Variants in GALC observed in about 807,000 individuals in gnomAD.
GALC encodes the protein galactocerebrosidase.
In GALC, 77 loss-of-function variants were observed where a neutral mutation model predicts 91.8. That is an observed-to-expected ratio of 0.84 (90% confidence interval 0.70 to 1.01). The LOEUF (loss-of-function observed/expected upper bound fraction) is 1.01, where lower values mean the gene tolerates loss of function less well. Among genes scored for constraint, GALC ranks in the 50% least tolerant of loss-of-function variants. GALC has a pLI of 0.00. For missense variants in GALC, 882 were observed against 855.9 expected (o/e 1.03, Z -0.38); for synonymous variants, 357 against 306.7 (o/e 1.16, Z -1.71).
At chr14:87,954,973 A>G in intron 10 of GALC, 1 of 1,445,288 alleles carries the variant, frequency 6.9e-7, no homozygotes. Context: ...TCTTCTCAAC[A>G]TTTTTGCAGA....
chr14:87,934,064 AAT>A lies in GALC; in HGVS notation c.*666_*667del. The A allele has an allele frequency of 6.5e-7, 1 of 1,529,960 alleles. No individual in the cohort carries two copies. The highest frequency in any genetic ancestry group is 8.8e-7 in the Non-Finnish European group (1 of 1,142,348). 94.8% of individuals were successfully genotyped at this position (1,529,960 alleles called of 1,614,324 possible). ...CCAAAACTTGGAATCAAAAAAATTA[AAT>A]AATGCAAATAACCCAATTAATCTGC... On this transcript the variant is annotated 3_prime_UTR_variant, in exon 17 of 17. Coordinates refer to ENST00000261304, the MANE Select transcript of GALC (RefSeq NM_000153.4).
chr14:87,980,394 A>G, intron 6 of GALC: 3 of 510,750 alleles, frequency 5.9e-6, no homozygotes, highest in Non-Finnish European at 7.5e-6. Flanking sequence ...AAAAAAAAAA[A>G]GCCATTATTC....
rs1885424150 is a variant in GALC at position 87,954,205 on chromosome 14, C to T, written c.1162-3457G>A. 23 of 1,558,106 alleles carry T rather than the reference C, an allele frequency of 1.5e-5. No homozygotes were observed. In the South Asian group the frequency reaches 1.6e-4, roughly 11 times the overall value. The stretch of plus-strand genomic sequence containing the variant: ...CATTCCTACCTCAGAGATCTTCCTC[C>T]GAGGCAGCCTCAGAGGGTGAACAGT... On this transcript the variant is annotated intron_variant, in intron 10 of 16. Coordinates refer to ENST00000261304, the MANE Select transcript of GALC (RefSeq NM_000153.4).
At chr14:87,992,746 T>C (rs563890761) in intron 1 of GALC, 1 of 1,421,232 alleles carries the variant, frequency 7.0e-7, no homozygotes, top group African/African-American at 1.4e-5. Context: ...CGGATCCTCA[T>C]TTGTTCAAAC....
intron 16 of GALC, among the ~76,000 whole-genome samples, chr14:87,937,790 C>T (rs754833273): frequency 6.6e-6 from 1 of 151,518 alleles, no homozygotes; most frequent in Non-Finnish European, 1.5e-5. Flanking sequence ...TTCAAAAAAA[C>T]TCATAAAATT....
intron 15 of GALC, among the ~76,000 whole-genome samples, chr14:87,940,890 A>G (rs1319966776): frequency 6.6e-6 from 1 of 151,914 alleles, no homozygotes; most frequent in African/African-American, 2.4e-5. Context: ...TCTGGATAAA[A>G]TATTATCCTA....
chr14:87,957,480 T>C (rs1388638852), intron 10 of GALC, among the ~76,000 whole-genome samples: 2 of 152,158 alleles, frequency 1.3e-5, no homozygotes, highest in Non-Finnish European at 2.9e-5. Flanking sequence ...TATATGTTGC[T>C]ATCCAATTTT....
At chr14:87,982,124 C>A in intron 6 of GALC, 81 bp downstream of exon 6, 1 of 734,530 alleles carries the variant, frequency 1.4e-6, no homozygotes, top group South Asian at 1.9e-5. Flanking sequence ...ACACAAATTT[C>A]CTACTATTTT....
At chr14:87,971,963 C>G (rs1469029638) in intron 7 of GALC, among the ~76,000 whole-genome samples, 1 of 152,066 alleles carries the variant, frequency 6.6e-6, no homozygotes, top group Non-Finnish European at 1.5e-5. Context: ...TGGGGCCCAG[C>G]AGAAACAGAC....
chr14:87,986,584 T>A lies in GALC; in HGVS notation c.347A>T (p.His116Leu). ...ATTCTCATCTAGTGCATAATGCATG[T>A]GGGAGGGCTCAGTGCCGTCTGAATA... ...GQTTDGTEPS[H>L]MHYALDENYF... Residue 116 changes from histidine (H) to leucine (L), a missense_variant, in exon 4 of 17, where the codon CAC (histidine) becomes CTC (leucine). His to Leu is a moderately conservative substitution (Grantham distance 99). Coordinates refer to ENST00000261304, the MANE Select transcript of GALC (RefSeq NM_000153.4). The A allele has an allele frequency of 6.2e-7, 1 of 1,612,974 alleles. No homozygotes were observed. The highest frequency in any genetic ancestry group is 8.5e-7 in the Non-Finnish European group (1 of 1,179,032).
chr14:87,952,051 A>G (rs1042379172), intron 10 of GALC, among the ~76,000 whole-genome samples: 3 of 151,852 alleles, frequency 2.0e-5, no homozygotes, highest in Admixed American at 6.6e-5. Flanking sequence ...TCCCCAAAAA[A>G]CTGTGGAAAT....
intron 6 of GALC, chr14:87,980,507 C>T (rs1210870676): frequency 1.0e-6 from 1 of 982,366 alleles, no homozygotes; most frequent in Non-Finnish European, 1.2e-6. Flanking sequence ...CCCTTTACCT[C>T]TCAATCTTCA....
At chr14:87,981,301 C>CAG (rs35635941) in intron 6 of GALC, 113,618 of 151,968 alleles carry the variant, frequency 0.75, 43,585 homozygotes, top group East Asian at 0.98. Flanking sequence ...TTTAGGGACT[C>CAG]GGGGAAAGGA....
chr14:87,976,278 G>A, intron 7 of GALC, 80 bp downstream of exon 7: 8 of 1,479,466 alleles, frequency 5.4e-6, no homozygotes, highest in Non-Finnish European at 5.6e-6. Context: ...AATCAAATGG[G>A]GAGAAGGCAA....
At chr14:87,947,132 A>G (rs1408310998) in intron 13 of GALC, among the ~76,000 whole-genome samples, 2 of 152,042 alleles carry the variant, frequency 1.3e-5, no homozygotes, top group Non-Finnish European at 2.9e-5. Flanking sequence ...GCAGTCAACA[A>G]ATTTTGTTAC....
At chr14:87,935,524 A>G (rs182209581) in intron 16 of GALC, among the ~76,000 whole-genome samples, 1 of 152,178 alleles carries the variant, frequency 6.6e-6, no homozygotes, top group East Asian at 1.9e-4. Flanking sequence ...ATAAGGTGTG[A>G]CTTACTGGTC....
chr14:87,955,388 T>C (rs79135009), intron 10 of GALC, among the ~76,000 whole-genome samples: 5 of 152,136 alleles, frequency 3.3e-5, no homozygotes, highest in African/African-American at 7.2e-5. Context: ...TTTTGTTTTT[T>C]GGTTTCTTCC....
Position 87,963,436 on chromosome 14 carries a change from T to C in GALC, c.1109A>G (p.Tyr370Cys). 7 of 1,613,448 alleles carry C rather than the reference T, an allele frequency of 4.3e-6. No individual in the cohort carries two copies. Among genetic ancestry groups the C allele is most frequent in the Non-Finnish European group, 5.9e-6 (7 of 1,179,440 alleles). The change falls in exon 10 of 17, where the codon TAC becomes TGC. Residue 370 changes from tyrosine to cysteine, a missense_variant. Tyr to Cys is a radical substitution (Grantham distance 194, BLOSUM62 -2). Transcript: ENST00000261304. ...CCCTAAGCCATCAGTCAGAGCTACG[T>C]AGCTTCCTCCTTTCTCTAAATGGCC... ...TVGHLEKGGSYVALTDGLGNL... is the reference protein window; with the variant it reads ...TVGHLEKGGSCVALTDGLGNL...
intron 4 of GALC, among the ~76,000 whole-genome samples, chr14:87,985,898 C>T (rs947334763): frequency 1.3e-5 from 2 of 152,174 alleles, no homozygotes; most frequent in African/African-American, 4.8e-5. Context: ...CCCACAGGTG[C>T]AGGAATTGGG....
Sources: gnomAD v4.1 joint callset for allele counts (sites outside exome capture counted in the v4.1 genomes callset) on GRCh38, gnomAD v4.1.1 for gene constraint, MANE v1.5 for transcripts, NCBI Gene and HGNC (gene_info 2026-07-23, HGNC 2026-07-21) for gene names.